The following USP15 variants were observed in gnomAD, a reference collection of about 807,000 sequenced individuals.
USP15 encodes the protein ubiquitin specific peptidase 15, also known as ubiquitin carboxyl-terminal hydrolase 15.
USP15 carries 18 observed loss-of-function variants against 127.1 expected under a neutral mutation model. The ratio of observed to expected loss-of-function variants is 0.14; its 90% confidence interval spans 0.10 to 0.21. The LOEUF is 0.21. Ranked by LOEUF, USP15 falls within the 10% of genes least tolerant of loss-of-function variation. The probability of loss-of-function intolerance (pLI) is 1.00; values close to 1 mark genes in which losing one functional copy is unlikely to be tolerated. For synonymous variants in USP15, 364 were observed against 393.7 expected, an observed-to-expected ratio of 0.92 and a Z score of 0.89; for missense variants, 805 against 1,159.9, an observed-to-expected ratio of 0.69 and a Z score of 4.44.
chr12:62,280,279 G>C (rs912960717), intron 1 of USP15, among the ~76,000 whole-genome samples: 12 of 152,160 alleles, frequency 7.9e-5, no homozygotes, highest in Admixed American at 2.6e-4. Flanking sequence ...TGGGGAAGTG[G>C]GGAGAGGGTT....
Position 62,404,321 on chromosome 12 carries a change from T to C in USP15, c.2892T>C (p.Asp964=), listed in dbSNP as rs2067796039. 6.2e-7 allele frequency: 1 copy of C among 1,612,888 alleles called. No individual in the cohort carries two copies. Among genetic ancestry groups the C allele is most frequent in the African/African-American group, 1.3e-5 (1 of 74,936 alleles). ...ATGIPLESDE[D]SNDNDNDIEN... is the part of the protein sequence containing the mutation. ...GCATCCCATTAGAAAGTGATGAAGA[T>C]AGCAATGATAATGACAATGATATAG... The change falls in exon 22 of 22, where the codon GAT becomes GAC. Residue 964 remains aspartate, a synonymous_variant. Transcript: ENST00000280377.
intron 1 of USP15, among the ~76,000 whole-genome samples, chr12:62,266,340 C>A (rs2063191652): frequency 6.6e-6 from 1 of 152,098 alleles, no homozygotes; most frequent in Non-Finnish European, 1.5e-5. Context: ...ATACATACGG[C>A]TTTCTTCTTG....
chr12:62,260,687 G>T (rs942769812), intron 1 of USP15, among the ~76,000 whole-genome samples, 184 bp downstream of exon 1: 4 of 152,130 alleles, frequency 2.6e-5, no homozygotes, highest in Non-Finnish European at 5.9e-5. Flanking sequence ...TGAGGGTCAG[G>T]GTTCTTGGCT....
chr12:62,327,072 G>C (rs2049012816), intron 6 of USP15, among the ~76,000 whole-genome samples: 1 of 152,316 alleles, frequency 6.6e-6, no homozygotes, highest in Non-Finnish European at 1.5e-5. Flanking sequence ...AGAGGTTGCA[G>C]TGAGCTGAGA....
intron 7 of USP15, among the ~76,000 whole-genome samples, chr12:62,353,773 G>A (rs1163100632): frequency 1.3e-5 from 2 of 151,916 alleles, no homozygotes; most frequent in South Asian, 2.1e-4. Context: ...TTGCTAATAG[G>A]CGCTTTGTAC....
At chr12:62,321,707 T>C (rs1483255442) in intron 5 of USP15, 98 bp downstream of exon 5, 2 of 990,216 alleles carry the variant, frequency 2.0e-6, no homozygotes, top group Non-Finnish European at 2.7e-6. Context: ...CTGTACTGTT[T>C]CTGGCTTCCT....
chr12:62,395,460 G>A (rs1355940999), intron 19 of USP15, among the ~76,000 whole-genome samples: 2 of 152,076 alleles, frequency 1.3e-5, no homozygotes, highest in Admixed American at 6.5e-5. Context: ...TATGGAGAAT[G>A]GGGTATCCAT....
At chr12:62,366,432 A>T (rs974924774) in intron 8 of USP15, among the ~76,000 whole-genome samples, 1 of 152,220 alleles carries the variant, frequency 6.6e-6, no homozygotes, top group African/African-American at 2.4e-5. Context: ...GTTGCTTATC[A>T]GGTTAAGGAG....
chr12:62,390,121 G>C (rs2067275394), intron 14 of USP15, 133 bp downstream of exon 14: 2 of 1,007,550 alleles, frequency 2.0e-6, no homozygotes, highest in Non-Finnish European at 2.7e-6. Flanking sequence ...TTTGTTCATA[G>C]TCAGATTATA....
rs79773780 is a variant in USP15 at position 62,392,433 on chromosome 12, T to C, written c.2420+46T>C. 5,956 of 1,353,820 alleles carry C rather than the reference T, an allele frequency of 4.4e-3. 219 individuals carry two copies. The African/African-American group carries it at 0.075, about 17-fold the overall frequency. The allele number at this position is 1,353,820 out of a possible 1,614,324, so 83.9% of individuals were successfully genotyped here. A position where few individuals can be genotyped will look rare whatever the true frequency, so the allele number is the denominator to read the frequency against. On this transcript the variant is annotated intron_variant, in intron 18 of 21. Transcript: ENST00000280377. ...ATTGTTTTTGTTTTCTTTAAGGATT[T>C]ATTCTGAGATATGTGCCACATCAAG...
intron 8 of USP15, among the ~76,000 whole-genome samples, chr12:62,364,530 T>G (rs1024966074): frequency 8.5e-5 from 13 of 152,124 alleles, no homozygotes; most frequent in Non-Finnish European, 1.8e-4. Context: ...ATTTATTTAT[T>G]TAGTGAATGG....
chr12:62,400,613 TAAA>T (rs5798641), intron 20 of USP15, among the ~76,000 whole-genome samples: 1 of 137,414 alleles, frequency 7.3e-6, no homozygotes. Flanking sequence ...ATTCTGGTGT[TAAA>T]AAAAAAAAAA....
At chr12:62,391,982 A>G in intron 17 of USP15, 96 bp downstream of exon 17, 1 of 1,204,122 alleles carries the variant, frequency 8.3e-7, no homozygotes, top group Non-Finnish European at 1.1e-6. Flanking sequence ...CTTTGCTTCC[A>G]CCAAATATGT....
intron 1 of USP15, among the ~76,000 whole-genome samples, chr12:62,271,953 T>C (rs2063353173): frequency 6.6e-6 from 1 of 151,902 alleles, no homozygotes; most frequent in Non-Finnish European, 1.5e-5. Flanking sequence ...TATAAAGAGA[T>C]GGTAAACTAT....
chr12:62,388,577 T>G (rs1027540059), intron 11 of USP15, among the ~76,000 whole-genome samples: 4 of 152,212 alleles, frequency 2.6e-5, no homozygotes, highest in African/African-American at 9.6e-5. Context: ...AATTGGGAAA[T>G]TCTCTTCAGC....
chr12:62,342,323 A>G (rs2065671235), intron 6 of USP15, among the ~76,000 whole-genome samples: 1 of 151,972 alleles, frequency 6.6e-6, no homozygotes, highest in Non-Finnish European at 1.5e-5. Flanking sequence ...ACCTTTTATC[A>G]AGGTTCTTAG....
In USP15 at chr12:62,412,821, A is replaced by G. The variant is rs2068068839; in HGVS notation, c.*8446A>G. ...ACTTCTCAAAGTCATGAAAGTTGTA[A>G]TTAACTTCTTTCAAACTCTTGTTAA... On this transcript the variant is annotated 3_prime_UTR_variant, in exon 22 of 22. Coordinates refer to ENST00000280377, the MANE Select transcript of USP15 (RefSeq NM_001252078.2). 1 of 152,200 alleles carries G rather than the reference A, an allele frequency of 6.6e-6. No individual in the cohort carries two copies. Among genetic ancestry groups the G allele is most frequent in the East Asian group, 1.9e-4 (1 of 5,202 alleles). The allele number at this position is 152,200 out of a possible 1,614,324, so 9.4% of individuals were successfully genotyped here.
intron 18 of USP15, 38 bp from the exon 19 acceptor site, chr12:62,393,015 A>C (rs1592725274): frequency 1.3e-6 from 2 of 1,597,928 alleles, no homozygotes; most frequent in Non-Finnish European, 1.7e-6. Context: ...GGTTGTTTGT[A>C]CCTCTATCAA....
Position 62,392,311 on chromosome 12 carries a change from A to G in USP15, c.2344A>G (p.Lys782Glu). 6.2e-7 allele frequency: 1 copy of G among 1,607,528 alleles called. No homozygotes were observed. Among genetic ancestry groups the G allele is most frequent in the Non-Finnish European group, 8.5e-7 (1 of 1,177,910 alleles). ...KHESVEYKPP[K>E]KPFVKLKDCI... ...TGAAAGTGTGGAGTATAAACCTCCT[A>G]AAAAACCCTTTGTGAAATTAAAAGA... Residue 782 changes from lysine (K) to glutamate (E), a missense_variant, in exon 18 of 22, where the codon AAA becomes GAA. This residue lies in a region of USP15 where 225 missense variants were observed against 239.5 expected (regional missense o/e 0.94). Coordinates refer to ENST00000280377, the MANE Select transcript of USP15 (RefSeq NM_001252078.2).
Sources: allele counts gnomAD v4.1 joint callset (sites outside exome capture counted in the v4.1 genomes callset), GRCh38; gene constraint gnomAD v4.1.1; regional missense constraint gnomAD v4.1.1; transcripts MANE v1.5; gene names NCBI Gene and HGNC (gene_info 2026-07-23, HGNC 2026-07-21).